The following SLC47A2 variants were observed in gnomAD, a reference collection of about 807,000 sequenced individuals.
SLC47A2 encodes the protein multidrug and toxin extrusion protein 2.
A neutral mutation model predicts 67.7 loss-of-function variants in SLC47A2; 52 were observed. The observed-to-expected ratio is 0.77, with a 90% CI of 0.61 to 0.97. The LOEUF is 0.97. SLC47A2 is among the 50% of genes least tolerant of loss of function. The pLI, the probability that SLC47A2 is intolerant of heterozygous loss-of-function variation, is 0.00. For synonymous variants in SLC47A2, 278 were observed against 292.9 expected, an observed-to-expected ratio of 0.95 and a Z score of 0.52; for missense variants, 676 against 712.3, an observed-to-expected ratio of 0.95 and a Z score of 0.58.
chr17:19,681,673 AG>A lies in SLC47A2; in HGVS notation c.1165-4del, dbSNP rs2085318734. The A allele has an allele frequency of 6.2e-7, 1 of 1,607,090 alleles. No homozygotes were observed. Among genetic ancestry groups the A allele is most frequent in the African/African-American group, 1.3e-5 (1 of 74,764 alleles). On this transcript the variant is annotated splice_region_variant and splice_polypyrimidine_tract_variant and intron_variant, in intron 13 of 16. Coordinates refer to ENST00000433844, the MANE Select transcript of SLC47A2 (RefSeq NM_001099646.3). ...CTCAGAACTCCGCCATAGACACACT[AG>A]GAGGGGAGACAGAAATGGGCAAGAG...
Position 19,716,416 on chromosome 17 carries a change from C to T in SLC47A2, c.123+17G>A, listed in dbSNP as rs766270773. 1.2e-6 allele frequency: 2 copies of T among 1,603,342 alleles called. No individual in the cohort carries two copies. The highest frequency in any genetic ancestry group is 4.5e-5 in the East Asian group (2 of 44,308). On this transcript the variant is annotated intron_variant, in intron 1 of 16. Transcript: ENST00000433844. ...CTTCCTCCACTCCCTACCTGCCCCC[C>T]AGCTCCTCCTCCTTACCAGGGGTCC...
intron 11 of SLC47A2, 104 bp from the exon 12 acceptor site, chr17:19,703,271 C>G: frequency 2.0e-6 from 2 of 997,206 alleles, no homozygotes; most frequent in Admixed American, 2.0e-5. Flanking sequence ...GTCAGCCCAG[C>G]CCTCTGCAAC....
At chr17:19,705,250 G>C in intron 10 of SLC47A2, 186 bp downstream of exon 10, 1 of 516,300 alleles carries the variant, frequency 1.9e-6, no homozygotes, top group Non-Finnish European at 3.4e-6. Context: ...TGGTCGTCAG[G>C]TTGTGGGCAC....
At position 19,678,512 on chromosome 17, in the gene SLC47A2, C is replaced by G; in HGVS notation, c.*174G>C. The G allele has an allele frequency of 1.6e-6, 1 of 642,600 alleles. No individual in the cohort carries two copies. Among genetic ancestry groups the G allele is most frequent in the Non-Finnish European group, 2.7e-6 (1 of 370,704 alleles). 39.8% of individuals were successfully genotyped at this position (642,600 alleles called of 1,614,324 possible). A position where few individuals can be genotyped will look rare whatever the true frequency, so the allele number is the denominator to read the frequency against. On this transcript the variant is annotated 3_prime_UTR_variant, in exon 17 of 17. Transcript: ENST00000433844. Reference sequence around the variant, plus strand: ...CTTGACCAGAACAGAATTGTCAAGTCTGTTCAGACCCCTCTGAGTGTCACC... The same window carrying G: ...CTTGACCAGAACAGAATTGTCAAGTGTGTTCAGACCCCTCTGAGTGTCACC...
intron 11 of SLC47A2, 47 bp from the exon 12 acceptor site, chr17:19,703,214 G>A: frequency 1.9e-6 from 3 of 1,578,020 alleles, no homozygotes; most frequent in Non-Finnish European, 2.6e-6. Flanking sequence ...AAGCCAGGAA[G>A]CACCCTTGCT....
rs2085583867 is a variant in SLC47A2 at position 19,693,265 on chromosome 17, T to TAGAAGCAGA, written c.1164+9331_1164+9339dup. On this transcript the variant is annotated intron_variant, in intron 13 of 16. Transcript: ENST00000433844. ...GAACAAAACCACATGATTATCTCAA[T>TAGAAGCAGA]AGAAGCAGAAAAAGCATTCCGCAAA... Among the ~76,000 whole-genome samples, 7 of 152,192 alleles carry TAGAAGCAGA rather than the reference T, an allele frequency of 4.6e-5. No individual in the cohort carries two copies. The South Asian group carries it at 1.5e-3, about 32-fold the overall frequency.
intron 13 of SLC47A2, chr17:19,692,143 G>T: frequency 3.0e-6 from 1 of 338,976 alleles, no homozygotes; most frequent in East Asian, 1.0e-4. Context: ...CAGGAGAATC[G>T]CTTGAACTCG....
chr17:19,707,698 C>T (rs2085978968), intron 8 of SLC47A2, 48 bp downstream of exon 8: 2 of 1,514,586 alleles, frequency 1.3e-6, no homozygotes, highest in Admixed American at 2.0e-5. Context: ...GCTAGGGCAG[C>T]ACCACCGCTG....
At position 19,702,647 on chromosome 17, in the gene SLC47A2, G is replaced by C. The variant is rs961096289; in HGVS notation, c.1122C>G (p.Val374=). Reference sequence around the variant, plus strand: ...CGTGAAAGACACTATAAACCGGCAAGACCTGGCTCACCAGGGCAATGACAT... The same window carrying C: ...CGTGAAAGACACTATAAACCGGCAACACCTGGCTCACCAGGGCAATGACAT... ...DEDVIALVSQ[V]LPVYSVFHVF... Residue 374 remains valine (V), a synonymous_variant, in exon 13 of 17, where the codon GTC becomes GTG. Transcript: ENST00000433844. 2.5e-6 allele frequency: 4 copies of C among 1,614,046 alleles called. No individual in the cohort carries two copies. Among genetic ancestry groups the C allele is most frequent in the Admixed American group, 3.3e-5 (2 of 60,008 alleles).
At chr17:19,717,947 C>A (rs1850353829), upstream of SLC47A2, 1 of 152,262 alleles carries the variant, frequency 6.6e-6, no homozygotes, top group South Asian at 2.1e-4. Context: ...GGAAAGAAGA[C>A]ATTTTATCAC....
chr17:19,712,689 A>G lies in SLC47A2; in HGVS notation c.486+14T>C. The G allele has an allele frequency of 6.2e-7, 1 of 1,612,806 alleles. No individual in the cohort carries two copies. The highest frequency in any genetic ancestry group is 8.5e-7 in the Non-Finnish European group (1 of 1,179,622). ...GGGAATGTGATTCCACGCTCAGCAA[A>G]CAGGGGCACCTACCGGAAGTCCTGG... On this transcript the variant is annotated intron_variant, in intron 5 of 16. Coordinates refer to ENST00000433844, the MANE Select transcript of SLC47A2 (RefSeq NM_001099646.3).
At chr17:19,707,975 C>T (rs2085989994) in intron 7 of SLC47A2, 132 bp from the exon 8 acceptor site, 6 of 878,422 alleles carry the variant, frequency 6.8e-6, no homozygotes, top group Non-Finnish European at 1.1e-5. Context: ...ATCCTGGGAT[C>T]AGACTCAACC....
intron 13 of SLC47A2, among the ~76,000 whole-genome samples, chr17:19,682,846 A>G (rs1461193583): frequency 6.6e-6 from 1 of 152,220 alleles, no homozygotes; most frequent in East Asian, 1.9e-4. Flanking sequence ...CTCAAAGATG[A>G]GAATTGCTCT....
intron 9 of SLC47A2, 150 bp from the exon 10 acceptor site, chr17:19,705,653 G>T (rs540167172): frequency 4.4e-5 from 30 of 680,740 alleles, no homozygotes; most frequent in Non-Finnish European, 6.2e-5. Context: ...GAGCTGGAGT[G>T]CAGTGGCGCA....
At chr17:19,695,653 A>G (rs1210038774) in intron 13 of SLC47A2, among the ~76,000 whole-genome samples, 1 of 152,144 alleles carries the variant, frequency 6.6e-6, no homozygotes, top group East Asian at 1.9e-4. Flanking sequence ...TATCCAGAAT[A>G]TATAAAGAAC....
chr17:19,687,530 G>C (rs2085454165), intron 13 of SLC47A2, among the ~76,000 whole-genome samples: 1 of 150,890 alleles, frequency 6.6e-6, no homozygotes, highest in South Asian at 2.1e-4. Flanking sequence ...AATGGAAACA[G>C]ACCAAAAAAA....
chr17:19,704,912 G>A (rs1161972172), intron 10 of SLC47A2: 2 of 416,924 alleles, frequency 4.8e-6, no homozygotes, highest in Non-Finnish European at 4.1e-6. Context: ...TGCAACCTCC[G>A]CCTCCCGGGT....
At chr17:19,704,790 C>T (rs1463172390) in intron 10 of SLC47A2, 38 of 935,176 alleles carry the variant, frequency 4.1e-5, no homozygotes, top group Non-Finnish European at 5.6e-5. Context: ...CTGCAGTGTG[C>T]AGGAATGTGG....
chr17:19,688,598 GTT>G (rs2085476528), intron 13 of SLC47A2, among the ~76,000 whole-genome samples: 1 of 152,122 alleles, frequency 6.6e-6, no homozygotes, highest in South Asian at 2.1e-4. Context: ...TTGTTTGTTT[GTT>G]TTGTTTTTGG....
Sources: gnomAD v4.1 joint callset for allele counts (sites outside exome capture counted in the v4.1 genomes callset) on GRCh38, gnomAD v4.1.1 for gene constraint, MANE v1.5 for transcripts, NCBI Gene and HGNC (gene_info 2026-07-23, HGNC 2026-07-21) for gene names.